GVQW3: variants seen among roughly 807,000 people sequenced by gnomAD.
GVQW3 encodes protein GVQW3.
GVQW3 carries 7 observed loss-of-function variants against 12.5 expected under a neutral mutation model. That is an observed-to-expected ratio of 0.56 (90% CI 0.32 to 1.05). GVQW3 has a LOEUF of 1.05. Ranked by LOEUF, GVQW3 falls within the 50% of genes least tolerant of loss-of-function variation. GVQW3 has a pLI of 0.04. For synonymous variants in GVQW3, 71 were observed against 67.2 expected, an observed-to-expected ratio of 1.06 and a Z score of -0.28; for missense variants, 188 against 190.8, an observed-to-expected ratio of 0.99 and a Z score of 0.09.
chr11:76,382,713 C>T, intron 1 of GVQW3: 1 of 419,028 alleles, frequency 2.4e-6, no homozygotes, highest in Non-Finnish European at 4.3e-6. Context: ...TTCTTCTCTG[C>T]CCAGACCTTA....
intron 1 of GVQW3, among the ~76,000 whole-genome samples, chr11:76,396,291 CTATTAT>C (rs978225558): frequency 3.3e-5 from 5 of 151,326 alleles, no homozygotes; most frequent in South Asian, 2.1e-4. Context: ...TTCTGTGCTG[CTATTAT>C]TATTATTATT....
chr11:76,385,510 T>G (rs541219509), intron 1 of GVQW3, among the ~76,000 whole-genome samples: 1 of 152,356 alleles, frequency 6.6e-6, no homozygotes, highest in East Asian at 1.9e-4. Flanking sequence ...AGTTTGCTCT[T>G]ACTCCTCTCT....
chr11:76,390,157 C>T (rs547281617), intron 1 of GVQW3: 4 of 152,264 alleles, frequency 2.6e-5, no homozygotes, highest in African/African-American at 9.6e-5. Flanking sequence ...AAATTTTAAA[C>T]CTCCAAATGA....
At chr11:76,398,647 G>T (rs1204558962) in intron 1 of GVQW3, among the ~76,000 whole-genome samples, 3 of 152,036 alleles carry the variant, frequency 2.0e-5, no homozygotes, top group African/African-American at 7.2e-5. Flanking sequence ...TTTTTTTATG[G>T]AGTTGGTCTT....
chr11:76,393,204 A>G (rs917032650), intron 1 of GVQW3, among the ~76,000 whole-genome samples: 2 of 152,258 alleles, frequency 1.3e-5, no homozygotes, highest in Non-Finnish European at 2.9e-5. Flanking sequence ...TGATGGGTGT[A>G]GTATAAGGGG....
chr11:76,396,613 G>A (rs940684856), intron 1 of GVQW3, among the ~76,000 whole-genome samples: 1 of 151,950 alleles, frequency 6.6e-6, no homozygotes, highest in African/African-American at 2.4e-5. Context: ...CCATGCCTGG[G>A]CTCAAATTAG....
chr11:76,391,810 C>T (rs1240903431), intron 1 of GVQW3, among the ~76,000 whole-genome samples: 7 of 152,072 alleles, frequency 4.6e-5, no homozygotes, highest in Non-Finnish European at 2.9e-5. Flanking sequence ...AAAAATTAGC[C>T]GGGTGTGGTG....
intron 1 of GVQW3, among the ~76,000 whole-genome samples, chr11:76,398,744 A>G (rs962185078): frequency 6.6e-6 from 1 of 152,180 alleles, no homozygotes; most frequent in Non-Finnish European, 1.5e-5. Flanking sequence ...TATAGGTGTG[A>G]GCCACCATGC....
Position 76,403,854 on chromosome 11 carries a change from G to A in GVQW3, c.*96G>A, listed in dbSNP as rs1947014187. 3 of 697,748 alleles carry A rather than the reference G, an allele frequency of 4.3e-6. No individual in the cohort carries two copies. The highest frequency in any genetic ancestry group is 7.9e-6 in the Non-Finnish European group (3 of 382,022). The allele number at this position is 697,748 out of a possible 1,614,324, so 43.2% of individuals were successfully genotyped here. A position where few individuals can be genotyped will look rare whatever the true frequency, so the allele number is the denominator to read the frequency against. ...GAGGAGTGCTGATGTACAAGGGCAGGAGAAGATGGATGTCACAGCTCAAGA... is the reference window on the plus strand; with the variant it reads ...GAGGAGTGCTGATGTACAAGGGCAGAAGAAGATGGATGTCACAGCTCAAGA... On this transcript the variant is annotated 3_prime_UTR_variant, in exon 2 of 2. Transcript: ENST00000529331.
chr11:76,382,745 C>T (rs1590812897), intron 1 of GVQW3: 1 of 307,484 alleles, frequency 3.3e-6, no homozygotes, highest in East Asian at 5.6e-5. Flanking sequence ...CTGTCCTGTT[C>T]CTTTGTTCTC....
intron 1 of GVQW3, chr11:76,383,280 C>G (rs952328385): frequency 7.9e-5 from 12 of 152,176 alleles, no homozygotes; most frequent in African/African-American, 2.9e-4. Flanking sequence ...TAACTAATGC[C>G]TATAGTTTTG....
chr11:76,399,243 G>A (rs61892856), intron 1 of GVQW3, among the ~76,000 whole-genome samples: 1,781 of 152,154 alleles, frequency 0.012, 21 homozygotes, highest in Middle Eastern at 0.027. Flanking sequence ...AGGTTCAAGC[G>A]ATTCTTCTGC....
chr11:76,403,882 C>T lies in GVQW3; in HGVS notation c.*124C>T, dbSNP rs80035019. 6.2e-4 allele frequency: 431 copies of T among 700,726 alleles called. 1 individual carries two copies. Among genetic ancestry groups the T allele is most frequent in the African/African-American group, 5.1e-3 (293 of 57,276 alleles). The allele number at this position is 700,726 out of a possible 1,614,324, so 43.4% of individuals were successfully genotyped here. On this transcript the variant is annotated 3_prime_UTR_variant, in exon 2 of 2. Transcript: ENST00000529331. ...AAGATGGATGTCACAGCTCAAGAAG[C>T]GAGAACAAATTTGCCCTTCTATCTT...
In GVQW3 at chr11:76,381,644, C is replaced by A. The variant is rs559142639; in HGVS notation, c.-185C>A. ...CGACTGTTGGCTTCCCAGAACGGAT[C>A]TCCCCAGCCTCGACTGGAAGCTGAG... On this transcript the variant is annotated 5_prime_UTR_variant, in exon 1 of 2. Coordinates refer to ENST00000529331, the MANE Select transcript of GVQW3 (RefSeq NM_001347885.2). 8 of 556,510 alleles carry A rather than the reference C, an allele frequency of 1.4e-5. No homozygotes were observed. In the Middle Eastern group the frequency reaches 1.4e-3, roughly 96 times the overall value. 34.5% of individuals were successfully genotyped at this position (556,510 alleles called of 1,614,324 possible). A position where few individuals can be genotyped will look rare whatever the true frequency, so the allele number is the denominator to read the frequency against.
At position 76,404,983 on chromosome 11, in the gene GVQW3, T is replaced by G. The variant is rs541838085; in HGVS notation, c.*1225T>G. Reference sequence around the variant, plus strand: ...ATTGTTTATGTGTGGACACTTTTTATGCATGTATATTGGAATATTTTTAGC... The same window carrying G: ...ATTGTTTATGTGTGGACACTTTTTAGGCATGTATATTGGAATATTTTTAGC... On this transcript the variant is annotated 3_prime_UTR_variant, in exon 2 of 2. Transcript: ENST00000529331. The G allele has an allele frequency of 6.6e-6, 1 of 152,386 alleles. No homozygotes were observed. Among genetic ancestry groups the G allele is most frequent in the Admixed American group, 6.5e-5 (1 of 15,308 alleles). The allele number at this position is 152,386 out of a possible 1,614,324, so 9.4% of individuals were successfully genotyped here. A position where few individuals can be genotyped will look rare whatever the true frequency, so the allele number is the denominator to read the frequency against.
At chr11:76,410,491 A>G (rs902701040), downstream of GVQW3, among the ~76,000 whole-genome samples, 1 of 150,636 alleles carries the variant, frequency 6.6e-6, no homozygotes, top group Admixed American at 6.6e-5. Flanking sequence ...AGTGCTTTGT[A>G]TTTAGTACAC....
At chr11:76,389,339 T>C (rs542401959) in intron 1 of GVQW3, among the ~76,000 whole-genome samples, 127 of 152,338 alleles carry the variant, frequency 8.3e-4, no homozygotes, top group Non-Finnish European at 1.3e-3. Context: ...ACTACTTATA[T>C]TATCAGTAAA....
chr11:76,400,239 A>G (rs533315838), intron 1 of GVQW3, among the ~76,000 whole-genome samples: 34 of 151,504 alleles, frequency 2.2e-4, no homozygotes, highest in Non-Finnish European at 4.4e-4. Flanking sequence ...CAGCCTCCCA[A>G]GTAGCTGGGA....
intron 1 of GVQW3, chr11:76,393,010 TC>T (rs1345334923): frequency 6.6e-6 from 1 of 152,186 alleles, no homozygotes; most frequent in Non-Finnish European, 1.5e-5. Flanking sequence ...TAAACCCCAG[TC>T]TTATGTTTCT....
Sources: allele counts gnomAD v4.1 joint callset (sites outside exome capture counted in the v4.1 genomes callset), GRCh38; gene constraint gnomAD v4.1.1; transcripts MANE v1.5; gene names NCBI Gene and HGNC (gene_info 2026-07-23, HGNC 2026-07-21).